WWOX: variants seen among roughly 807,000 people sequenced by gnomAD.
WWOX encodes the protein WW domain-containing oxidoreductase.
Under a neutral mutation model 46.2 loss-of-function variants are expected in WWOX, and 69 were observed. The ratio of observed to expected loss-of-function variants is 1.49; its 90% CI spans 1.23 to 1.82. The LOEUF (loss-of-function observed/expected upper bound fraction) is 1.82. Among genes scored for constraint, WWOX ranks in the 40% most tolerant of loss-of-function variants. The probability of loss-of-function intolerance (pLI) is 0.00; values close to 1 mark genes in which losing one functional copy is unlikely to be tolerated. For missense variants in WWOX, 919 were observed against 542.6 expected, an observed-to-expected ratio of 1.69 and a Z score of -6.89; for synonymous variants, 359 against 202.6, an observed-to-expected ratio of 1.77 and a Z score of -6.56.
At chr16:78,495,627 A>G (rs1597165022) in intron 8 of WWOX, among the ~76,000 whole-genome samples, 1 of 147,270 alleles carries the variant, frequency 6.8e-6, no homozygotes, top group South Asian at 2.2e-4. Flanking sequence ...TCTTGCCTCA[A>G]CCTCCCGAGT....
chr16:78,415,893 G>A (rs546004154), intron 6 of WWOX, among the ~76,000 whole-genome samples: 1 of 152,264 alleles, frequency 6.6e-6, no homozygotes, highest in African/African-American at 2.4e-5. Context: ...TCTAGTTGAA[G>A]GGGTTGCTGG....
At chr16:78,737,229 A>G (rs2142403792) in intron 8 of WWOX, among the ~76,000 whole-genome samples, 1 of 151,916 alleles carries the variant, frequency 6.6e-6, no homozygotes, top group Admixed American at 6.6e-5. Context: ...CCTTCTGAGT[A>G]GCTGGAATTA....
intron 6 of WWOX, among the ~76,000 whole-genome samples, chr16:78,398,596 G>C (rs550107832): frequency 1.3e-5 from 2 of 152,098 alleles, no homozygotes; most frequent in African/African-American, 2.4e-5. Flanking sequence ...GGAATACTTC[G>C]GGGATGCTTT....
At chr16:79,192,863 C>A (rs1054214763) in intron 8 of WWOX, among the ~76,000 whole-genome samples, 2 of 152,202 alleles carry the variant, frequency 1.3e-5, no homozygotes, top group Non-Finnish European at 2.9e-5. Flanking sequence ...CCTCTCTGAG[C>A]TCTAATTTCC....
chr16:78,982,896 ATGT>A (rs1164874778), intron 8 of WWOX, among the ~76,000 whole-genome samples: 2 of 152,146 alleles, frequency 1.3e-5, no homozygotes, highest in African/African-American at 2.4e-5. Context: ...CTGTGTGGTG[ATGT>A]TGTGAACAGT....
intron 5 of WWOX, among the ~76,000 whole-genome samples, chr16:78,253,727 T>G (rs2038045201): frequency 6.6e-6 from 1 of 152,242 alleles, no homozygotes; most frequent in Non-Finnish European, 1.5e-5. Context: ...CAATTTAGTT[T>G]TAAAGAGTCT....
intron 8 of WWOX, among the ~76,000 whole-genome samples, chr16:78,488,690 G>A (rs1299300095): frequency 6.6e-6 from 1 of 152,150 alleles, no homozygotes; most frequent in Non-Finnish European, 1.5e-5. Flanking sequence ...GGTAGGCTCT[G>A]AGTCAAGCAG....
chr16:78,843,296 C>T (rs1014396170), intron 8 of WWOX, among the ~76,000 whole-genome samples: 1 of 150,176 alleles, frequency 6.7e-6, no homozygotes, highest in Non-Finnish European at 1.5e-5. Context: ...TCTCCACCTG[C>T]AAAATTCTTA....
chr16:78,606,336 G>T (rs527759170), intron 8 of WWOX, among the ~76,000 whole-genome samples: 2 of 152,128 alleles, frequency 1.3e-5, no homozygotes, highest in East Asian at 3.9e-4. Context: ...TTATAAGAAG[G>T]ATGCTATTTA....
chr16:79,068,647 C>G (rs2048486718), intron 8 of WWOX, among the ~76,000 whole-genome samples: 3 of 150,864 alleles, frequency 2.0e-5, no homozygotes, highest in Admixed American at 2.0e-4. Flanking sequence ...CAAACAACAA[C>G]AACAAAAAAA....
intron 5 of WWOX, among the ~76,000 whole-genome samples, chr16:78,295,424 C>T (rs150140125): frequency 1.3e-5 from 2 of 152,114 alleles, no homozygotes; most frequent in Non-Finnish European, 2.9e-5. Context: ...AAGAATGGTT[C>T]TCCAAGGCCA....
At chr16:79,187,742 A>G (rs1040206393) in intron 8 of WWOX, among the ~76,000 whole-genome samples, 1 of 152,134 alleles carries the variant, frequency 6.6e-6, no homozygotes, top group Non-Finnish European at 1.5e-5. Flanking sequence ...GGGTTTCACT[A>G]TGTTGGCCAG....
chr16:78,402,080 G>C (rs75376533), intron 6 of WWOX, among the ~76,000 whole-genome samples: 7,304 of 152,260 alleles, frequency 0.048, 309 homozygotes, highest in East Asian at 0.16. Flanking sequence ...CTTTTGAATT[G>C]CAGAACAATT....
At chr16:78,801,916 C>T (rs958551374) in intron 8 of WWOX, among the ~76,000 whole-genome samples, 3 of 152,032 alleles carry the variant, frequency 2.0e-5, no homozygotes, top group African/African-American at 4.8e-5. Context: ...TGGTGTAAAT[C>T]GCTTAACCTC....
intron 5 of WWOX, among the ~76,000 whole-genome samples, chr16:78,229,850 C>T (rs1472508106): frequency 6.6e-6 from 1 of 151,972 alleles, no homozygotes; most frequent in South Asian, 2.1e-4. Context: ...TCAGCTATTT[C>T]TTTTCATTTC....
intron 8 of WWOX, among the ~76,000 whole-genome samples, chr16:78,632,835 G>C (rs2046467715): frequency 6.6e-6 from 1 of 152,054 alleles, no homozygotes; most frequent in Admixed American, 6.5e-5. Flanking sequence ...TGGGGTTGCA[G>C]CTGTGAGCCA....
intron 8 of WWOX, among the ~76,000 whole-genome samples, chr16:79,125,775 C>A (rs1397463580): frequency 6.6e-6 from 1 of 152,238 alleles, no homozygotes; most frequent in Non-Finnish European, 1.5e-5. Flanking sequence ...CTTTGGACTT[C>A]AGAGCCCCTT....
At chr16:78,340,017 TGGGGGG>T (rs753232185) in intron 5 of WWOX, among the ~76,000 whole-genome samples, 118 of 6,796 alleles carry the variant, frequency 0.017, 45 homozygotes, top group African/African-American at 0.044. Flanking sequence ...ATGGATTTGG[TGGGGGG>T]GGGGGGGACG....
intron 5 of WWOX, among the ~76,000 whole-genome samples, chr16:78,344,031 T>G (rs2081057731): frequency 8.4e-6 from 1 of 119,414 alleles, no homozygotes; most frequent in South Asian, 2.5e-4. Context: ...CCCCACATTT[T>G]TTTTTCTTTC....
Sources: allele counts gnomAD v4.1 joint callset (sites outside exome capture counted in the v4.1 genomes callset), GRCh38; gene constraint gnomAD v4.1.1; transcripts MANE v1.5; gene names NCBI Gene and HGNC (gene_info 2026-07-23, HGNC 2026-07-21).